TENM3: variants seen among roughly 807,000 people sequenced by gnomAD.
TENM3 encodes teneurin-3.
Under a neutral mutation model 255.1 loss-of-function variants are expected in TENM3, and 63 were observed. The ratio of observed to expected loss-of-function variants is 0.25; its 90% CI spans 0.20 to 0.30. The LOEUF is 0.30. Ranked by LOEUF, TENM3 falls within the 10% of genes least tolerant of loss-of-function variation. The pLI, the probability that TENM3 is intolerant of heterozygous loss-of-function variation, is 1.00. For synonymous variants in TENM3, 1,306 were observed against 1,322.3 expected (o/e 0.99, Z 0.27); for missense variants, 2,929 against 3,461.1 (o/e 0.85, Z 3.86).
chr4:182,270,611 T>A (rs1759551852), intron 1 of TENM3, among the ~76,000 whole-genome samples: 1 of 152,162 alleles, frequency 6.6e-6, no homozygotes, highest in African/African-American at 2.4e-5. Flanking sequence ...CTGTTCAGTC[T>A]GTTGGAGGCT....
chr4:182,576,795 C>T (rs947037814), intron 3 of TENM3, among the ~76,000 whole-genome samples: 15 of 152,182 alleles, frequency 9.9e-5, no homozygotes, highest in Middle Eastern at 3.2e-3. Flanking sequence ...CACACAGCCT[C>T]CACACTGCTG....
At chr4:181,965,232 A>G in the TENM3 span, among the ~76,000 whole-genome samples, 4 of 152,202 alleles carry the variant, frequency 2.6e-5, no homozygotes, top group East Asian at 7.7e-4. Context: ...AATAACAAGA[A>G]GTCATATTCT....
At chr4:181,818,334 G>A in the TENM3 span, among the ~76,000 whole-genome samples, 19 of 152,184 alleles carry the variant, frequency 1.2e-4, no homozygotes, top group African/African-American at 2.9e-4. Flanking sequence ...GTTGGAAGGC[G>A]GTGAAAACAG....
chr4:182,591,717 TAATG>T (rs1326688462), intron 3 of TENM3, among the ~76,000 whole-genome samples: 1 of 152,110 alleles, frequency 6.6e-6, no homozygotes, highest in Non-Finnish European at 1.5e-5. Context: ...CTAGAAAAAA[TAATG>T]AACTACAGGA....
At chr4:181,914,989 A>T in the TENM3 span, among the ~76,000 whole-genome samples, 2 of 152,042 alleles carry the variant, frequency 1.3e-5, no homozygotes, top group Non-Finnish European at 2.9e-5. Flanking sequence ...AGGGTTTTAG[A>T]ATTTGGTTTT....
Position 182,789,179 on chromosome 4 carries a change from G to A in TENM3, c.5391G>A (p.Leu1797=), listed in dbSNP as rs61736044. The change falls in exon 25 of 28, where the codon CTG becomes CTA. Residue 1797 remains leucine (L), a synonymous_variant. Coordinates refer to ENST00000511685, the MANE Select transcript of TENM3 (RefSeq NM_001080477.4). This position sits in a 1 kb window ranked among gnomAD's most constrained non-coding sequence, Gnocchi z 4.4. ...KIYDDHRKFL[L]RIAYDTSGHP... is the part of the protein sequence containing the mutation. ...ATGACGACCACCGTAAATTTCTACT[G>A]AGGATCGCCTACGACACGTCTGGGC... 0.11 allele frequency: 183,112 copies of A among 1,612,666 alleles called. 11,241 individuals carry two copies. Among genetic ancestry groups the A allele is most frequent in the Non-Finnish European group, 0.13 (148,725 of 1,179,250 alleles).
intron 3 of TENM3, among the ~76,000 whole-genome samples, chr4:182,580,222 A>G (rs796589694): frequency 2.0e-5 from 3 of 152,276 alleles, no homozygotes; most frequent in African/African-American, 7.2e-5. Flanking sequence ...GACGCTATTA[A>G]TAATGTAGTG....
chr4:182,378,819 G>A lies in TENM3; in HGVS notation c.511+31890G>A, dbSNP rs111900531. On this transcript the variant is annotated intron_variant, in intron 3 of 27. Transcript: ENST00000511685. ...AAGCCATGAAAGGGTTTTGAACAGG[G>A]AGAGACATGATCCAACTTGCCTAAG... 4.6e-4 allele frequency among the ~76,000 whole-genome samples: 70 copies of A among 152,256 alleles called. 5 individuals are homozygous for A. Among genetic ancestry groups the A allele is most frequent in the African/African-American group, 1.6e-3 (68 of 41,554 alleles).
the TENM3 span, among the ~76,000 whole-genome samples, chr4:182,089,376 GA>G: frequency 6.6e-6 from 1 of 152,166 alleles, no homozygotes. Context: ...AGGCAGCAGA[GA>G]AAAGGTAAGA....
chr4:182,014,653 G>A, the TENM3 span, among the ~76,000 whole-genome samples: 5 of 152,038 alleles, frequency 3.3e-5, no homozygotes, highest in Admixed American at 6.6e-5. Context: ...AGGCACAGGC[G>A]AGCTGATCCT....
intron 3 of TENM3, among the ~76,000 whole-genome samples, chr4:182,408,132 C>G (rs1036513128): frequency 3.9e-5 from 6 of 152,132 alleles, no homozygotes; most frequent in African/African-American, 1.4e-4. Context: ...AATCTAACAC[C>G]CCAGTGTGCA....
chr4:182,479,688 A>G (rs1411644619), intron 3 of TENM3, among the ~76,000 whole-genome samples: 2 of 152,034 alleles, frequency 1.3e-5, no homozygotes, highest in Non-Finnish European at 2.9e-5. Flanking sequence ...CTGACTCTTT[A>G]TAAATAACCA....
At chr4:182,388,258 T>C (rs1292689172) in intron 3 of TENM3, among the ~76,000 whole-genome samples, 1 of 152,142 alleles carries the variant, frequency 6.6e-6, no homozygotes. Context: ...GACGTAGCAG[T>C]CCCTCTCAGT....
chr4:181,951,141 CTTTA>C, the TENM3 span, among the ~76,000 whole-genome samples: 1 of 152,168 alleles, frequency 6.6e-6, no homozygotes, highest in Non-Finnish European at 1.5e-5. Context: ...TCCCAGTTTT[CTTTA>C]TTAATTTCCC....
chr4:182,058,734 T>C, the TENM3 span, among the ~76,000 whole-genome samples: 3 of 152,188 alleles, frequency 2.0e-5, no homozygotes, highest in Non-Finnish European at 2.9e-5. Flanking sequence ...TTTTTAGTGT[T>C]TCATTCCCTA....
At chr4:182,500,488 A>G (rs1007375166) in intron 3 of TENM3, among the ~76,000 whole-genome samples, 10 of 152,212 alleles carry the variant, frequency 6.6e-5, no homozygotes, top group African/African-American at 2.4e-4. Flanking sequence ...AAGATTGCTA[A>G]CATCACTGTC....
At chr4:181,860,958 A>G in the TENM3 span, among the ~76,000 whole-genome samples, 1 of 152,176 alleles carries the variant, frequency 6.6e-6, no homozygotes, top group African/African-American at 2.4e-5. Context: ...CAGCATTTTT[A>G]TACACAAAAG....
the TENM3 span, among the ~76,000 whole-genome samples, chr4:181,679,814 G>A: frequency 7.2e-5 from 11 of 152,112 alleles, no homozygotes; most frequent in Admixed American, 7.2e-4. Flanking sequence ...TCTTTCTGTT[G>A]GAAATAAAGT....
chr4:182,042,036 G>A, the TENM3 span, among the ~76,000 whole-genome samples: 38,076 of 152,054 alleles, frequency 0.25, 5,640 homozygotes, highest in African/African-American at 0.42. Flanking sequence ...CTACCAGGAT[G>A]GGATAGAATG....
Sources: allele counts gnomAD v4.1 joint callset (sites outside exome capture counted in the v4.1 genomes callset), GRCh38; gene constraint gnomAD v4.1.1; non-coding constraint Gnocchi (gnomAD v3.1); transcripts MANE v1.5; gene names NCBI Gene and HGNC (gene_info 2026-07-23, HGNC 2026-07-21).